TNS1: variants seen among roughly 807,000 people sequenced by gnomAD.
TNS1 encodes the protein tensin-1.
A neutral mutation model predicts 168.6 loss-of-function variants in TNS1; 62 were observed. The ratio of observed to expected loss-of-function variants is 0.37; its 90% CI spans 0.30 to 0.45. The LOEUF (loss-of-function observed/expected upper bound fraction) is 0.45. TNS1 is among the 20% of genes least tolerant of loss of function. The probability of loss-of-function intolerance (pLI) is 1.00; values close to 1 mark genes in which losing one functional copy is unlikely to be tolerated. For synonymous variants in TNS1, 934 were observed against 933.2 expected, an observed-to-expected ratio of 1.00 and a Z score of -0.02; for missense variants, 2,240 against 2,339.4, an observed-to-expected ratio of 0.96 and a Z score of 0.88.
At chr2:217,838,435 C>T (rs1203440599) in intron 19 of TNS1, among the ~76,000 whole-genome samples, 1 of 152,228 alleles carries the variant, frequency 6.6e-6, no homozygotes, top group African/African-American at 2.4e-5. Context: ...GTGAGCTGCA[C>T]CTTCCCAATC....
chr2:217,913,297 G>C (rs956438311), intron 4 of TNS1, among the ~76,000 whole-genome samples: 18 of 152,224 alleles, frequency 1.2e-4, no homozygotes, highest in African/African-American at 4.1e-4. Context: ...GATCTGGCCA[G>C]ACCACACCTG....
chr2:217,954,476 T>C (rs1389548178), intron 3 of TNS1, among the ~76,000 whole-genome samples: 1 of 152,170 alleles, frequency 6.6e-6, no homozygotes, highest in Non-Finnish European at 1.5e-5. Flanking sequence ...ATCTGGTTTA[T>C]TCCTCCTGGT....
At chr2:218,019,468 T>A (rs1471439798) in intron 1 of TNS1, among the ~76,000 whole-genome samples, 1 of 152,144 alleles carries the variant, frequency 6.6e-6, no homozygotes, top group Non-Finnish European at 1.5e-5. Context: ...TCCTCCTCCA[T>A]GACCACCCCA....
In TNS1 at chr2:218,033,484, C is replaced by T. The variant is rs746395993; in HGVS notation, c.156+336G>A. On this transcript the variant is annotated intron_variant, in intron 1 of 1. Coordinates refer to the TNS1 transcript ENST00000649572. The surrounding 1 kb of genome is among the most constrained non-coding windows in gnomAD (Gnocchi z 4.3). ...CTTGGTCCAGCTCGAGGAAGATTAACTCTTTCCCTACCTTGCCCCAGCACT... is the reference window on the plus strand; with the variant it reads ...CTTGGTCCAGCTCGAGGAAGATTAATTCTTTCCCTACCTTGCCCCAGCACT... 7.2e-5 allele frequency among the ~76,000 whole-genome samples: 11 copies of T among 152,158 alleles called. No individual in the cohort carries two copies. Among genetic ancestry groups the T allele is most frequent in the African/African-American group, 9.7e-5 (4 of 41,428 alleles).
intron 16 of TNS1, among the ~76,000 whole-genome samples, chr2:217,884,081 G>A (rs1003788137): frequency 7.4e-6 from 1 of 135,488 alleles, no homozygotes; most frequent in East Asian, 2.5e-4. Context: ...CATATCTATA[G>A]GGTCTAGCAC....
chr2:217,899,234 G>A (rs567534472), intron 7 of TNS1, among the ~76,000 whole-genome samples: 49 of 152,310 alleles, frequency 3.2e-4, no homozygotes, highest in Admixed American at 9.8e-4. Flanking sequence ...GGATGACAGG[G>A]GCCTGAGTGG....
intron 3 of TNS1, among the ~76,000 whole-genome samples, chr2:217,968,228 C>T (rs12619872): frequency 0.27 from 41,462 of 152,012 alleles, 6,177 homozygotes; most frequent in East Asian, 0.49. Context: ...CTCCTAAGTT[C>T]GGGAACTAGA....
intron 9 of TNS1, among the ~76,000 whole-genome samples, chr2:217,894,002 G>A (rs910499339): frequency 2.0e-5 from 3 of 152,196 alleles, no homozygotes; most frequent in East Asian, 1.9e-4. Flanking sequence ...CTCAGGCTGC[G>A]AGAGGAAAAA....
chr2:217,961,258 C>CAGAGAGAGAG (rs746086984), intron 3 of TNS1, among the ~76,000 whole-genome samples: 128 of 139,882 alleles, frequency 9.2e-4, no homozygotes, highest in Admixed American at 3.8e-3. Context: ...CACACACACA[C>CAGAGAGAGAG]ACAGAGAGAG....
At chr2:217,964,050 C>T (rs886077841) in intron 3 of TNS1, among the ~76,000 whole-genome samples, 9 of 152,142 alleles carry the variant, frequency 5.9e-5, no homozygotes, top group East Asian at 3.8e-4. Context: ...CCTCACAAGA[C>T]GGCTGGTCCA....
chr2:217,831,350 C>A, intron 22 of TNS1, 105 bp downstream of exon 22: 1 of 1,056,168 alleles, frequency 9.5e-7, no homozygotes, highest in Non-Finnish European at 1.3e-6. Context: ...AGTGTGGGCA[C>A]AAAGCTGGCT....
At chr2:218,007,716 C>G (rs1958672553), upstream of TNS1, among the ~76,000 whole-genome samples, 1 of 152,136 alleles carries the variant, frequency 6.6e-6, no homozygotes, top group African/African-American at 2.4e-5. Flanking sequence ...CAGGGTCTGT[C>G]CCCTGATGCC....
intron 1 of TNS1, among the ~76,000 whole-genome samples, chr2:218,016,245 G>A (rs1958759111): frequency 1.3e-5 from 2 of 152,172 alleles, no homozygotes; most frequent in African/African-American, 4.8e-5. Flanking sequence ...ACAAGGGGAG[G>A]GGAGCTGAGT....
At position 217,871,180 on chromosome 2, in the gene TNS1, G is replaced by A. The variant is rs184988449; in HGVS notation, c.1429+9718C>T. On this transcript the variant is annotated intron_variant, in intron 18 of 32. Transcript: ENST00000682258. ...CAGCTGATTCACCCTCTCACAGTTG[G>A]GAAGTTCTACCAGGAGGCTAACCCA... is the stretch of plus-strand genomic sequence containing the variant. 1.3e-3 allele frequency among the ~76,000 whole-genome samples: 198 copies of A among 152,300 alleles called. 1 individual carries two copies. Among genetic ancestry groups the A allele is most frequent in the Middle Eastern group, 3.4e-3 (1 of 294 alleles).
intron 3 of TNS1, among the ~76,000 whole-genome samples, chr2:217,949,177 A>G (rs1393816008): frequency 6.6e-6 from 1 of 152,226 alleles, no homozygotes; most frequent in African/African-American, 2.4e-5. Flanking sequence ...GGAAATTCTC[A>G]GTCCCTCTTG....
At chr2:218,013,594 C>T (rs1958729085), upstream of TNS1, among the ~76,000 whole-genome samples, 1 of 151,802 alleles carries the variant, frequency 6.6e-6, no homozygotes, top group African/African-American at 2.4e-5. Flanking sequence ...CCAGGTTAAC[C>T]TATCCTCTGG....
chr2:218,032,671 G>A lies in TNS1; in HGVS notation c.156+1149C>T, dbSNP rs1315026624. On this transcript the variant is annotated intron_variant, in intron 1 of 1. Transcript: ENST00000649572. The surrounding 1 kb of genome is among the most constrained non-coding windows in gnomAD (Gnocchi z 4.0). ...GAGGGTATCACCCCTCCTCTAGTGA[G>A]GCCCCAGGTGATGGGTGCAGGCTGC... Among the ~76,000 whole-genome samples, 1 of 152,144 alleles carries A rather than the reference G, an allele frequency of 6.6e-6. No individual in the cohort carries two copies. The highest frequency in any genetic ancestry group is 1.5e-5 in the Non-Finnish European group (1 of 68,000).
chr2:217,885,534 G>A (rs185488445), intron 15 of TNS1, among the ~76,000 whole-genome samples: 76 of 152,340 alleles, frequency 5.0e-4, no homozygotes, highest in African/African-American at 1.8e-3. Flanking sequence ...ATATTTCCCT[G>A]GAGATGCTCC....
intron 1 of TNS1, among the ~76,000 whole-genome samples, chr2:217,996,034 C>G (rs1191870199): frequency 6.6e-6 from 1 of 152,124 alleles, no homozygotes; most frequent in Non-Finnish European, 1.5e-5. Flanking sequence ...AGTCCTTGGC[C>G]CTGGGGTGGG....
Sources: allele counts gnomAD v4.1 joint callset (sites outside exome capture counted in the v4.1 genomes callset), GRCh38; gene constraint gnomAD v4.1.1; non-coding constraint Gnocchi (gnomAD v3.1); transcripts MANE v1.5; gene names NCBI Gene and HGNC (gene_info 2026-07-23, HGNC 2026-07-21).